The following PDE1C variants were observed in gnomAD, a reference collection of about 807,000 sequenced individuals.
The protein encoded by PDE1C is phosphodiesterase 1C, also known as dual specificity calcium/calmodulin-dependent 3',5'-cyclic nucleotide phosphodiesterase 1C.
A neutral mutation model predicts 93.1 loss-of-function variants in PDE1C; 62 were observed. The observed-to-expected ratio is 0.67, with a 90% CI of 0.54 to 0.82. The LOEUF is 0.82. PDE1C is among the 40% of genes least tolerant of loss of function. The probability of loss-of-function intolerance (pLI) is 0.00; values close to 1 mark genes in which losing one functional copy is unlikely to be tolerated. For synonymous variants in PDE1C, 325 were observed against 310.1 expected, an observed-to-expected ratio of 1.05 and a Z score of -0.50; for missense variants, 742 against 884.6, an observed-to-expected ratio of 0.84 and a Z score of 2.04.
At chr7:32,377,267 G>A (rs546789719) in intron 1 of PDE1C, among the ~76,000 whole-genome samples, 2 of 152,224 alleles carry the variant, frequency 1.3e-5, no homozygotes, top group South Asian at 2.1e-4. Context: ...CTGATTATCC[G>A]CACTCCCCAC....
At chr7:32,299,086 ACT>A (rs1429019082) in exon 1 of PDE1C, 7 of 1,072,838 alleles carry the variant, frequency 6.5e-6, no homozygotes, top group Non-Finnish European at 6.8e-6. Context: ...TGGCCACGCT[ACT>A]CTCTGTCAGC....
At chr7:32,370,828 T>C (rs989827794) in intron 1 of PDE1C, among the ~76,000 whole-genome samples, 2 of 151,922 alleles carry the variant, frequency 1.3e-5, no homozygotes, top group African/African-American at 4.8e-5. Context: ...ATATCTTGCA[T>C]CTGACAACAG....
chr7:31,735,717 C>G, the PDE1C span, among the ~76,000 whole-genome samples: 57 of 152,244 alleles, frequency 3.7e-4, 1 homozygote, highest in South Asian at 0.012. Context: ...GAAAAAACAA[C>G]CGTTTCTTTT....
chr7:31,879,390 G>T (rs2128876695), intron 3 of PDE1C: 2 of 523,146 alleles, frequency 3.8e-6, no homozygotes, highest in Middle Eastern at 5.0e-4. Flanking sequence ...TGATATTTCA[G>T]GATGGTTCTC....
chr7:31,947,152 T>C lies in PDE1C; in HGVS notation c.129-66292A>G, dbSNP rs545132966. Among the ~76,000 whole-genome samples, 5 of 152,238 alleles carry C rather than the reference T, an allele frequency of 3.3e-5. No individual in the cohort carries two copies. In the South Asian group the frequency reaches 1.0e-3, roughly 32 times the overall value. ...CAGCCATAATCCACTGTTATAATAA[T>C]GGAGCCGTGTTGGTGTGATAATAAG... On this transcript the variant is annotated intron_variant, in intron 2 of 17. Transcript: ENST00000396191.
chr7:31,792,440 T>A (rs1475152781), intron 16 of PDE1C, among the ~76,000 whole-genome samples: 1 of 152,056 alleles, frequency 6.6e-6, no homozygotes. Context: ...CCTCCACCCT[T>A]TTTCTAATTT....
At chr7:31,633,183 C>A in the PDE1C span, among the ~76,000 whole-genome samples, 1 of 151,672 alleles carries the variant, frequency 6.6e-6, no homozygotes, top group African/African-American at 2.4e-5. Flanking sequence ...CCGCGACCGG[C>A]CAGGTCTGGG....
chr7:32,046,215 A>ATTTT (rs763064443), intron 2 of PDE1C, among the ~76,000 whole-genome samples: 11 of 145,168 alleles, frequency 7.6e-5, no homozygotes, highest in East Asian at 2.0e-4. Context: ...CTTTTTTTTA[A>ATTTT]AAAAAAAAAA....
At chr7:31,657,377 A>G in the PDE1C span, among the ~76,000 whole-genome samples, 8 of 152,234 alleles carry the variant, frequency 5.3e-5, no homozygotes, top group Non-Finnish European at 1.0e-4. Context: ...TTATACATTG[A>G]ACATTAGCAG....
the PDE1C span, among the ~76,000 whole-genome samples, chr7:31,651,780 AAAG>A: frequency 0.032 from 4,856 of 150,870 alleles, 280 homozygotes; most frequent in African/African-American, 0.11. Context: ...TTTTTTTTTT[AAAG>A]AAGACAACCT....
chr7:31,775,173 T>G (rs1463885679), intron 17 of PDE1C, among the ~76,000 whole-genome samples: 6 of 152,348 alleles, frequency 3.9e-5, no homozygotes, highest in Admixed American at 2.0e-4. Flanking sequence ...GAGATTATTA[T>G]GAGCACTATG....
chr7:31,853,878 A>ATTTTTTTTT (rs60293827), intron 7 of PDE1C, among the ~76,000 whole-genome samples: 7 of 124,534 alleles, frequency 5.6e-5, no homozygotes, highest in African/African-American at 9.0e-5. Flanking sequence ...ATGCCCAGCT[A>ATTTTTTTTT]TTTTTTTTTT....
At chr7:31,808,041 A>G (rs1039027305) in intron 16 of PDE1C, among the ~76,000 whole-genome samples, 1 of 152,028 alleles carries the variant, frequency 6.6e-6, no homozygotes, top group Non-Finnish European at 1.5e-5. Context: ...GTTTTCATGC[A>G]TGCAAGCAAA....
chr7:32,339,312 A>G (rs1783698677), intron 1 of PDE1C, among the ~76,000 whole-genome samples: 1 of 152,218 alleles, frequency 6.6e-6, no homozygotes, highest in South Asian at 2.1e-4. Context: ...AGTCAAATTC[A>G]TAGAAACCAA....
intron 16 of PDE1C, among the ~76,000 whole-genome samples, chr7:31,798,179 T>G (rs1435292982): frequency 6.6e-6 from 1 of 151,616 alleles, no homozygotes; most frequent in Non-Finnish European, 1.5e-5. Flanking sequence ...ATATGTGGAG[T>G]ATATATTTCA....
chr7:32,285,539 C>T (rs1434649813), intron 1 of PDE1C, among the ~76,000 whole-genome samples: 2 of 151,912 alleles, frequency 1.3e-5, no homozygotes, highest in Non-Finnish European at 2.9e-5. Context: ...AGTACTTATA[C>T]ATGGTGATGA....
At chr7:31,968,115 C>T (rs929241960) in intron 2 of PDE1C, among the ~76,000 whole-genome samples, 9 of 152,230 alleles carry the variant, frequency 5.9e-5, no homozygotes, top group Non-Finnish European at 8.8e-5. Context: ...CCAGGGCAAT[C>T]AGGCAGGAGA....
At chr7:32,041,370 A>C (rs1452736989) in intron 2 of PDE1C, among the ~76,000 whole-genome samples, 1 of 152,086 alleles carries the variant, frequency 6.6e-6, no homozygotes, top group Non-Finnish European at 1.5e-5. Flanking sequence ...CACCCTTCCA[A>C]AGCATGTTCT....
At chr7:31,807,259 A>C (rs928191659) in intron 16 of PDE1C, among the ~76,000 whole-genome samples, 1 of 151,976 alleles carries the variant, frequency 6.6e-6, no homozygotes, top group Non-Finnish European at 1.5e-5. Flanking sequence ...CTATGGAGGG[A>C]AACAGAGACA....
Sources: gnomAD v4.1 joint callset for allele counts (sites outside exome capture counted in the v4.1 genomes callset) on GRCh38, gnomAD v4.1.1 for gene constraint, MANE v1.5 for transcripts, NCBI Gene and HGNC (gene_info 2026-07-23, HGNC 2026-07-21) for gene names.